COL11A1: variants seen among roughly 807,000 people sequenced by gnomAD.
COL11A1 encodes the protein collagen type XI alpha 1 chain.
In COL11A1, 74 loss-of-function variants were observed where a neutral mutation model predicts 265.2. That is an observed-to-expected ratio of 0.28 (90% CI 0.23 to 0.34). COL11A1 has a LOEUF of 0.34. COL11A1 is among the 10% of genes least tolerant of loss of function. The probability of loss-of-function intolerance (pLI) is 1.00; values close to 1 mark genes in which losing one functional copy is unlikely to be tolerated. For missense variants in COL11A1, 2,165 were observed against 2,263.6 expected (o/e 0.96, Z 0.88); for synonymous variants, 816 against 727.6 (o/e 1.12, Z -1.96).
At chr1:103,046,508 C>G (rs746708227) in intron 4 of COL11A1, among the ~76,000 whole-genome samples, 1 of 151,412 alleles carries the variant, frequency 6.6e-6, no homozygotes, top group Non-Finnish European at 1.5e-5. Flanking sequence ...GATATTAGCC[C>G]TTTGTCAGAT....
chr1:103,005,919 CAT>C, intron 17 of COL11A1, 28 bp from the exon 18 acceptor site: 1 of 1,613,938 alleles, frequency 6.2e-7, no homozygotes, highest in Non-Finnish European at 8.5e-7. Flanking sequence ...TCATCATCAT[CAT>C]CATCATCATC....
rs34587338 is a variant in COL11A1 at position 103,021,688 on chromosome 1, T to C, written c.1308+19A>G. The stretch of plus-strand genomic sequence containing the variant: ...AGCAATTTTACCAACCTTTAAAGTG[T>C]ATTCACACTACTACTTACAGGCTCA... On this transcript the variant is annotated intron_variant, in intron 9 of 66. Transcript: ENST00000370096. 99,336 of 1,562,682 alleles carry C rather than the reference T, an allele frequency of 0.064. 3,450 individuals carry two copies. Among genetic ancestry groups the C allele is most frequent in the African/African-American group, 0.12 (8,526 of 73,760 alleles).
At chr1:102,964,993 T>C (rs1661268949) in intron 38 of COL11A1, among the ~76,000 whole-genome samples, 1 of 152,178 alleles carries the variant, frequency 6.6e-6, no homozygotes, top group Non-Finnish European at 1.5e-5. Flanking sequence ...TCAAAGATAA[T>C]TAATATTTTA....
chr1:103,048,043 AG>A (rs1669453225), intron 4 of COL11A1, among the ~76,000 whole-genome samples: 1 of 152,122 alleles, frequency 6.6e-6, no homozygotes, highest in South Asian at 2.1e-4. Flanking sequence ...ATGTTCATCA[AG>A]GATATTGGTC....
At chr1:102,962,294 C>A (rs370726653) in intron 39 of COL11A1, 29 bp from the exon 40 acceptor site, 1 of 1,523,468 alleles carries the variant, frequency 6.6e-7, no homozygotes, top group East Asian at 2.2e-5. Flanking sequence ...ATCGTCAAGA[C>A]AGATTAATTT....
intron 14 of COL11A1, among the ~76,000 whole-genome samples, chr1:103,008,764 A>T (rs1188941409): frequency 6.6e-6 from 1 of 152,198 alleles, no homozygotes; most frequent in Non-Finnish European, 1.5e-5. Flanking sequence ...ACAGAAGCTA[A>T]CCTCATGAAA....
chr1:102,962,533 A>G, intron 39 of COL11A1, 120 bp downstream of exon 39: 1 of 921,688 alleles, frequency 1.1e-6, no homozygotes, highest in Non-Finnish European at 1.8e-6. Flanking sequence ...ACGCACATTA[A>G]ATATTTTCCT....
At chr1:103,022,071 G>A (rs1312757758) in intron 8 of COL11A1, among the ~76,000 whole-genome samples, 2 of 150,686 alleles carry the variant, frequency 1.3e-5, no homozygotes, top group Non-Finnish European at 3.0e-5. Flanking sequence ...GCCCAAGCTG[G>A]TTTAGAATGC....
rs1350306997 is a variant in COL11A1 at position 102,877,611 on chromosome 1, A to G, written c.*408T>C. 6.5e-6 allele frequency: 1 copy of G among 154,750 alleles called. No individual in the cohort carries two copies. 9.6% of individuals were successfully genotyped at this position (154,750 alleles called of 1,614,324 possible). On this transcript the variant is annotated 3_prime_UTR_variant, in exon 67 of 67. Coordinates refer to ENST00000370096, the MANE Select transcript of COL11A1 (RefSeq NM_001854.4). Reference sequence around the variant, plus strand: ...GTGCAAGTTTTGGAAATGGACACAGATAACAGTATAGAACTGTACACAAAA... The same window carrying G: ...GTGCAAGTTTTGGAAATGGACACAGGTAACAGTATAGAACTGTACACAAAA...
intron 54 of COL11A1, among the ~76,000 whole-genome samples, chr1:102,905,549 G>A (rs998998533): frequency 2.0e-5 from 3 of 149,674 alleles, no homozygotes; most frequent in African/African-American, 4.9e-5. Flanking sequence ...GATCGTGGGT[G>A]TGACCAAATA....
chr1:103,029,075 G>T (rs577595622), intron 5 of COL11A1, among the ~76,000 whole-genome samples: 2 of 152,010 alleles, frequency 1.3e-5, no homozygotes, highest in African/African-American at 2.4e-5. Flanking sequence ...GGTGATGGTT[G>T]TAAAGTTATG....
Position 103,031,162 on chromosome 1 carries a change from G to A in COL11A1, c.734C>T (p.Ser245Phe). The A allele has an allele frequency of 6.2e-7, 1 of 1,612,730 alleles. No individual in the cohort carries two copies. Among genetic ancestry groups the A allele is most frequent in the Non-Finnish European group, 8.5e-7 (1 of 1,179,552 alleles). ...YCEHYSPDCD[S>F]SAPKAAQAQE... is the part of the protein sequence containing the mutation. ...AGCTTGAGCAGCCTTGGGTGCTGAAGAGTCACAGTCTGGACTATAATGCTC... is the reference window on the plus strand; with the variant it reads ...AGCTTGAGCAGCCTTGGGTGCTGAAAAGTCACAGTCTGGACTATAATGCTC... Residue 245 changes from serine to phenylalanine, a missense_variant, in exon 5 of 67, where the codon TCT becomes TTT. Transcript: ENST00000370096.
intron 56 of COL11A1, 71 bp downstream of exon 56, chr1:102,898,595 C>T (rs566343275): frequency 2.6e-5 from 30 of 1,170,672 alleles, no homozygotes; most frequent in Non-Finnish European, 3.3e-5. Flanking sequence ...AACATAGACA[C>T]CTTCATTCAA....
rs535796927 is a variant in COL11A1, at chr1:102,931,722, G to A, written c.3600+2727C>T. ...AAAGTCTCCCATTATTAATGTGTGG[G>A]AGTTAAGTCTCTTTGTAGGTCACTC... On this transcript the variant is annotated intron_variant, in intron 46 of 66. Coordinates refer to ENST00000370096, the MANE Select transcript of COL11A1 (RefSeq NM_001854.4). Among the ~76,000 whole-genome samples the A allele has an allele frequency of 2.6e-5, 4 of 152,160 alleles. No individual in the cohort carries two copies. In the East Asian group the frequency reaches 7.7e-4, roughly 29 times the overall value.
Position 102,985,692 on chromosome 1 carries a change from G to A in COL11A1, c.2503-1501C>T, listed in dbSNP as rs527977253. 6.6e-5 allele frequency among the ~76,000 whole-genome samples: 10 copies of A among 152,242 alleles called. No homozygotes were observed. The South Asian group carries it at 1.7e-3, about 25-fold the overall frequency. ...TAACATATACTAATGAAATGTTAAA[G>A]AAGAAAAGAACTGTGGGGTAGTTTA... On this transcript the variant is annotated intron_variant, in intron 30 of 66. Transcript: ENST00000370096.
chr1:102,944,142 A>G (rs1659020669), intron 42 of COL11A1, among the ~76,000 whole-genome samples: 1 of 152,154 alleles, frequency 6.6e-6, no homozygotes, highest in African/African-American at 2.4e-5. Flanking sequence ...CTTTCTTTTA[A>G]TGCAAATGTA....
chr1:102,924,385 A>G (rs1179828672), intron 46 of COL11A1, among the ~76,000 whole-genome samples: 1 of 152,202 alleles, frequency 6.6e-6, no homozygotes, highest in Non-Finnish European at 1.5e-5. Context: ...GTTCTTGACT[A>G]CTTATTTGAT....
At chr1:102,934,037 A>C (rs1657871005) in intron 46 of COL11A1, among the ~76,000 whole-genome samples, 2 of 152,050 alleles carry the variant, frequency 1.3e-5, no homozygotes, top group Non-Finnish European at 2.9e-5. Flanking sequence ...AAAATGCAGA[A>C]ATCACCTGTA....
intron 52 of COL11A1, 67 bp from the exon 53 acceptor site, chr1:102,913,757 GA>G (rs1654981835): frequency 7.1e-7 from 1 of 1,402,616 alleles, no homozygotes; most frequent in Non-Finnish European, 1.0e-6. Flanking sequence ...TACTTATCAG[GA>G]AAAAAGTATG....
Sources: allele counts gnomAD v4.1 joint callset (sites outside exome capture counted in the v4.1 genomes callset), GRCh38; gene constraint gnomAD v4.1.1; transcripts MANE v1.5; gene names NCBI Gene and HGNC (gene_info 2026-07-23, HGNC 2026-07-21).